The following EDARADD variants were observed in gnomAD, a reference collection of about 807,000 sequenced individuals.
EDARADD encodes ectodysplasin-A receptor-associated adapter protein.
In EDARADD, 20 loss-of-function variants were observed where a neutral mutation model predicts 25.6. That is an observed-to-expected ratio of 0.78 (90% CI 0.55 to 1.14). The LOEUF is 1.14. Among genes scored for constraint, EDARADD ranks in the 50% most tolerant of loss-of-function variants. The pLI, the probability that EDARADD is intolerant of heterozygous loss-of-function variation, is 0.00. For missense variants in EDARADD, 225 were observed against 270.1 expected, an observed-to-expected ratio of 0.83 and a Z score of 1.17; for synonymous variants, 86 against 94.4, an observed-to-expected ratio of 0.91 and a Z score of 0.52.
At chr1:236,462,117 G>C (rs1430592124) in intron 4 of EDARADD, among the ~76,000 whole-genome samples, 3 of 152,160 alleles carry the variant, frequency 2.0e-5, no homozygotes, top group African/African-American at 7.2e-5. Context: ...GAGTGGATTG[G>C]TTAACATCAG....
At chr1:236,461,082 A>G (rs1333521270) in intron 4 of EDARADD, among the ~76,000 whole-genome samples, 4 of 152,144 alleles carry the variant, frequency 2.6e-5, no homozygotes, top group Non-Finnish European at 5.9e-5. Flanking sequence ...TCAGCCTCCC[A>G]AAGTGCTGGG....
Position 236,398,532 on chromosome 1 carries a change from C to G in EDARADD, c.61+4027C>G, listed in dbSNP as rs1295492584. 1.3e-5 allele frequency among the ~76,000 whole-genome samples: 2 copies of G among 152,278 alleles called. No individual in the cohort carries two copies. Among genetic ancestry groups the G allele is most frequent in the African/African-American group, 4.8e-5 (2 of 41,474 alleles). On this transcript the variant is annotated intron_variant, in intron 1 of 5. Coordinates refer to ENST00000334232, the MANE Select transcript of EDARADD (RefSeq NM_145861.4). This position sits in a 1 kb window ranked among gnomAD's most constrained non-coding sequence, Gnocchi z 4.1. ...TCTGTGCAATCAATCCCTACCTGTT[C>G]CTTCACTTGCCTCACCTGACACCTA...
intron 2 of EDARADD, among the ~76,000 whole-genome samples, chr1:236,412,171 C>T (rs1436879001): frequency 6.6e-6 from 1 of 152,140 alleles, no homozygotes; most frequent in African/African-American, 2.4e-5. Flanking sequence ...TCTCACCCTC[C>T]CAGGGTAGCA....
intron 4 of EDARADD, among the ~76,000 whole-genome samples, chr1:236,453,575 C>T (rs573338608): frequency 1.3e-3 from 205 of 152,226 alleles, no homozygotes; most frequent in South Asian, 3.7e-3. Flanking sequence ...CATGCCTGGC[C>T]GAGATTCTAA....
Position 236,395,369 on chromosome 1 carries a change from G to T in EDARADD, c.61+864G>T, listed in dbSNP as rs909970253. The T allele has an allele frequency of 2.2e-6, 3 of 1,346,960 alleles. No individual in the cohort carries two copies. In the Admixed American group the frequency reaches 1.0e-4, roughly 45 times the overall value. 83.4% of individuals were successfully genotyped at this position (1,346,960 alleles called of 1,614,324 possible). A position where few individuals can be genotyped will look rare whatever the true frequency, so the allele number is the denominator to read the frequency against. Reference sequence around the variant, plus strand: ...CGCGGCACCCCGGCTCCCGCCCCGCGCCTCTGGAGGGAGGTACCGAGGGAC... The same window carrying T: ...CGCGGCACCCCGGCTCCCGCCCCGCTCCTCTGGAGGGAGGTACCGAGGGAC... On this transcript the variant is annotated intron_variant, in intron 1 of 5. Coordinates refer to ENST00000334232, the MANE Select transcript of EDARADD (RefSeq NM_145861.4). This position sits in a 1 kb window ranked among gnomAD's most constrained non-coding sequence, Gnocchi z 6.9.
chr1:236,450,928 G>A (rs1267855986), intron 4 of EDARADD, among the ~76,000 whole-genome samples: 3 of 152,108 alleles, frequency 2.0e-5, no homozygotes, highest in African/African-American at 7.2e-5. Flanking sequence ...ATCCAGAGTG[G>A]TTAAATATTT....
intron 5 of EDARADD, among the ~76,000 whole-genome samples, chr1:236,475,300 A>G (rs916772443): frequency 6.6e-6 from 1 of 152,188 alleles, no homozygotes; most frequent in Non-Finnish European, 1.5e-5. Context: ...TAGTTATTTA[A>G]AGTATAGCAG....
intron 4 of EDARADD, among the ~76,000 whole-genome samples, chr1:236,436,624 CAAAAAAAAAAAA>C (rs5781885): frequency 1.1e-5 from 1 of 94,230 alleles, no homozygotes; most frequent in Non-Finnish European, 1.9e-5. Flanking sequence ...AAGATCTTGT[CAAAAAAAAAAAA>C]AAAAAAAAGT....
chr1:236,376,711 C>T (rs1290529926), intron 3 of EDARADD, among the ~76,000 whole-genome samples: 1 of 152,120 alleles, frequency 6.6e-6, no homozygotes, highest in Non-Finnish European at 1.5e-5. Flanking sequence ...TGGTGTCTGA[C>T]ATTATTAATA....
intron 3 of EDARADD, among the ~76,000 whole-genome samples, chr1:236,387,036 C>A (rs1229669059): frequency 8.0e-5 from 3 of 37,450 alleles, no homozygotes; most frequent in African/African-American, 1.7e-4. Flanking sequence ...CCGCCCCATC[C>A]GGGAGGGAGG....
intron 3 of EDARADD, among the ~76,000 whole-genome samples, chr1:236,378,778 CT>C (rs1321055433): frequency 6.6e-6 from 1 of 152,122 alleles, no homozygotes; most frequent in East Asian, 1.9e-4. Flanking sequence ...ACACTTTTTC[CT>C]TATTTATCTC....
At chr1:236,404,819 G>A (rs1444518589) in intron 1 of EDARADD, among the ~76,000 whole-genome samples, 2 of 150,784 alleles carry the variant, frequency 1.3e-5, no homozygotes, top group East Asian at 2.0e-4. Context: ...AATGTCTGGC[G>A]CGGTGGCTCA....
intron 4 of EDARADD, among the ~76,000 whole-genome samples, chr1:236,437,644 C>A (rs1658293016): frequency 6.6e-6 from 1 of 151,482 alleles, no homozygotes. Context: ...GCTGCCATAA[C>A]AAAGTGCCAC....
At chr1:236,391,266 C>T (rs1667423673), upstream of EDARADD, among the ~76,000 whole-genome samples, 1 of 152,156 alleles carries the variant, frequency 6.6e-6, no homozygotes, top group African/African-American at 2.4e-5. Context: ...TCGCCACCAC[C>T]TAATTGCTTG....
At chr1:236,405,882 T>C (rs375767419) in intron 1 of EDARADD, among the ~76,000 whole-genome samples, 4,035 of 30,308 alleles carry the variant, frequency 0.13, 82 homozygotes, top group Non-Finnish European at 0.17. Flanking sequence ...TCCTTCTTTC[T>C]TTCTTTCTTT....
At chr1:236,419,857 A>G (rs1488965458) in intron 3 of EDARADD, among the ~76,000 whole-genome samples, 1 of 152,190 alleles carries the variant, frequency 6.6e-6, no homozygotes, top group African/African-American at 2.4e-5. Context: ...TATTTGAACC[A>G]ATCTAGCAGC....
intron 4 of EDARADD, among the ~76,000 whole-genome samples, chr1:236,467,414 GCACA>G (rs893009834): frequency 2.0e-5 from 2 of 101,320 alleles, no homozygotes; most frequent in East Asian, 8.9e-4. Context: ...TTCATGGGAA[GCACA>G]CACACGCGCA....
chr1:236,430,403 G>A (rs1012550656), intron 4 of EDARADD, among the ~76,000 whole-genome samples: 2 of 152,158 alleles, frequency 1.3e-5, no homozygotes, highest in Non-Finnish European at 2.9e-5. Context: ...AGTTTTTCAT[G>A]TAGTTTACTT....
chr1:236,371,864 G>A (rs1667176381), intron 3 of EDARADD, among the ~76,000 whole-genome samples: 1 of 151,896 alleles, frequency 6.6e-6, no homozygotes, highest in Non-Finnish European at 1.5e-5. Flanking sequence ...GAGCCACCGG[G>A]CCCAGTCGTA....
Sources: allele counts gnomAD v4.1 joint callset (sites outside exome capture counted in the v4.1 genomes callset), GRCh38; gene constraint gnomAD v4.1.1; non-coding constraint Gnocchi (gnomAD v3.1); transcripts MANE v1.5; gene names NCBI Gene and HGNC (gene_info 2026-07-23, HGNC 2026-07-21).